Variants in URI1 observed in about 807,000 individuals in gnomAD.
The protein encoded by URI1 is unconventional prefoldin RPB5 interactor 1.
Under a neutral mutation model 60.2 loss-of-function variants are expected in URI1, and 39 were observed. The ratio of observed to expected loss-of-function variants is 0.65; its 90% CI spans 0.50 to 0.85. The LOEUF is 0.85. URI1 is among the 40% of genes least tolerant of loss of function. URI1 has a pLI of 0.00. For synonymous variants in URI1, 251 were observed against 236.8 expected, an observed-to-expected ratio of 1.06 and a Z score of -0.55; for missense variants, 691 against 665.9, an observed-to-expected ratio of 1.04 and a Z score of -0.42.
intron 1 of URI1, among the ~76,000 whole-genome samples, chr19:29,937,206 C>T (rs182444464): frequency 7.2e-5 from 11 of 152,288 alleles, no homozygotes; most frequent in African/African-American, 2.6e-4. Context: ...CTTTTCGGCT[C>T]CAGGATTTCT....
At chr19:29,996,828 A>G (rs555538280) in intron 4 of URI1, among the ~76,000 whole-genome samples, 2 of 150,488 alleles carry the variant, frequency 1.3e-5, no homozygotes, top group East Asian at 2.0e-4. Context: ...AGGTTGTTGG[A>G]TTTTGTCAAA....
Position 30,015,352 on chromosome 19 carries a change from T to C in URI1, c.*283T>C. The C allele has an allele frequency of 2.1e-6, 3 of 1,423,196 alleles. No individual in the cohort carries two copies. In the South Asian group the frequency reaches 4.9e-5, roughly 23 times the overall value. 88.2% of individuals were successfully genotyped at this position (1,423,196 alleles called of 1,614,324 possible). ...GCATTTTGAATTACTTTTCAAAGAATACTGTTCATATGCATTGTTTTTGTG... is the reference window on the plus strand; with the variant it reads ...GCATTTTGAATTACTTTTCAAAGAACACTGTTCATATGCATTGTTTTTGTG... On this transcript the variant is annotated 3_prime_UTR_variant, in exon 11 of 11. Transcript: ENST00000392271.
Position 29,985,177 on chromosome 19 carries a change from A to G in URI1, c.153-46A>G, listed in dbSNP as rs978336230. ...AAAAAAAAAAAAAAAAAAAAAAAAA[A>G]GAAAAATCGTTAATAATGTGTGTAT... On this transcript the variant is annotated intron_variant, in intron 2 of 10. Transcript: ENST00000392271. 1.4e-5 allele frequency: 4 copies of G among 295,042 alleles called. 1 individual carries two copies. Among genetic ancestry groups the G allele is most frequent in the South Asian group, 3.8e-5 (1 of 25,994 alleles). The allele number at this position is 295,042 out of a possible 1,614,324, so 18.3% of individuals were successfully genotyped here.
chr19:29,988,925 C>T (rs936323942), intron 4 of URI1, among the ~76,000 whole-genome samples: 3 of 152,064 alleles, frequency 2.0e-5, no homozygotes, highest in Non-Finnish European at 4.4e-5. Flanking sequence ...GGTATCTTTG[C>T]GTCTCTACCA....
chr19:30,015,224 A>AAATC lies in URI1; in HGVS notation c.*158_*161dup. On this transcript the variant is annotated 3_prime_UTR_variant, in exon 11 of 11. Transcript: ENST00000392271. ...TACCCTTACCCGTGGTATTTGAAAA[A>AAATC]AATCAAGGTAACTGTCTGAATACTT... The AAATC allele has an allele frequency of 3.5e-6, 5 of 1,421,492 alleles. No homozygotes were observed. Among genetic ancestry groups the AAATC allele is most frequent in the Non-Finnish European group, 4.6e-6 (5 of 1,091,436 alleles). The allele number at this position is 1,421,492 out of a possible 1,614,324, so 88.1% of individuals were successfully genotyped here.
Position 30,007,533 on chromosome 19 carries a change from A to ATAT in URI1, c.583_585dup (p.Ile195dup). On this transcript the variant is annotated inframe_insertion, in exon 7 of 11. Coordinates refer to ENST00000392271, the MANE Select transcript of URI1 (RefSeq NM_003796.3). ...AAAACTTCAGATATTTTTGAAGCAG[A>ATAT]TATTGCAAATGATGTGAAATCCAAG... is the stretch of plus-strand genomic sequence containing the variant. 1 of 1,613,538 alleles carries ATAT rather than the reference A, an allele frequency of 6.2e-7. No individual in the cohort carries two copies. The highest frequency in any genetic ancestry group is 1.1e-5 in the South Asian group (1 of 91,062).
rs2055935416 is a variant in URI1 at position 30,005,814 on chromosome 19, A to G, written c.517+106A>G. ...TTTGGGATTTAGAATACACTTTTAA[A>G]TTCATAGGATGCCAACATTTTTCTA... On this transcript the variant is annotated intron_variant, in intron 6 of 10. Coordinates refer to ENST00000392271, the MANE Select transcript of URI1 (RefSeq NM_003796.3). The G allele has an allele frequency of 3.0e-6, 3 of 986,656 alleles. No individual in the cohort carries two copies. The African/African-American group carries it at 5.1e-5, about 17-fold the overall frequency. 61.1% of individuals were successfully genotyped at this position (986,656 alleles called of 1,614,324 possible). A position where few individuals can be genotyped will look rare whatever the true frequency, so the allele number is the denominator to read the frequency against.
At chr19:30,010,975 T>A (rs971611965) in intron 8 of URI1, 119 bp from the exon 9 acceptor site, 29 of 1,084,634 alleles carry the variant, frequency 2.7e-5, no homozygotes, top group Middle Eastern at 3.1e-4. Flanking sequence ...CATTTCAGCA[T>A]CAGAAAATTT....
upstream of URI1, among the ~76,000 whole-genome samples, chr19:29,938,955 C>T (rs1490925730): frequency 6.1e-5 from 9 of 148,368 alleles, no homozygotes; most frequent in Admixed American, 4.1e-4. Context: ...GGATTACAGA[C>T]ATGAGCCACT....
intron 1 of URI1, among the ~76,000 whole-genome samples, chr19:29,970,426 A>G (rs960611894): frequency 6.6e-6 from 1 of 152,092 alleles, no homozygotes; most frequent in African/African-American, 2.4e-5. Flanking sequence ...TTAAATTGTC[A>G]TTCAAAAATA....
At chr19:29,993,597 T>C (rs767414584) in intron 4 of URI1, among the ~76,000 whole-genome samples, 1 of 150,642 alleles carries the variant, frequency 6.6e-6, no homozygotes, top group Non-Finnish European at 1.5e-5. Flanking sequence ...GAATACAGCT[T>C]TTTTTTTTAA....
intron 4 of URI1, among the ~76,000 whole-genome samples, chr19:30,002,556 C>G (rs903362412): frequency 3.9e-5 from 6 of 151,950 alleles, no homozygotes; most frequent in Non-Finnish European, 8.8e-5. Flanking sequence ...TAAATAAAAA[C>G]TATACCTCAT....
Position 30,015,490 on chromosome 19 carries a change from C to A in URI1, c.*421C>A, listed in dbSNP as rs753628236. 1.3e-6 allele frequency: 2 copies of A among 1,524,026 alleles called. No individual in the cohort carries two copies. Among genetic ancestry groups the A allele is most frequent in the South Asian group, 2.5e-5 (2 of 81,052 alleles). The allele number at this position is 1,524,026 out of a possible 1,614,324, so 94.4% of individuals were successfully genotyped here. ...ATAGATTCAACAATTACATTACTTG[C>A]TTTCACATTTTAAAGGCACTTTAAA... On this transcript the variant is annotated 3_prime_UTR_variant, in exon 11 of 11. Coordinates refer to ENST00000392271, the MANE Select transcript of URI1 (RefSeq NM_003796.3).
intron 2 of URI1, 146 bp from the exon 3 acceptor site, chr19:29,985,077 G>A (rs1017951875): frequency 5.5e-5 from 36 of 655,592 alleles, no homozygotes; most frequent in African/African-American, 4.3e-4. Context: ...CCGAGATCAC[G>A]CCACTGCACT....
intron 1 of URI1, among the ~76,000 whole-genome samples, chr19:29,961,407 GTATT>G (rs1235731872): frequency 6.6e-6 from 1 of 152,026 alleles, no homozygotes; most frequent in East Asian, 1.9e-4. Flanking sequence ...GAATCATAGA[GTATT>G]TGTCCTTTTG....
Position 30,015,383 on chromosome 19 carries a change from A to C in URI1, c.*314A>C, listed in dbSNP as rs1217042367. 2.8e-6 allele frequency: 4 copies of C among 1,432,600 alleles called. No individual in the cohort carries two copies. In the African/African-American group the frequency reaches 4.3e-5, roughly 15 times the overall value. 88.7% of individuals were successfully genotyped at this position (1,432,600 alleles called of 1,614,324 possible). ...TCATATGCATTGTTTTTGTGTTTCAAACTAAATACAGGCAGTTTTGTGCCA... is the reference window on the plus strand; with the variant it reads ...TCATATGCATTGTTTTTGTGTTTCACACTAAATACAGGCAGTTTTGTGCCA... On this transcript the variant is annotated 3_prime_UTR_variant, in exon 11 of 11. Transcript: ENST00000392271.
chr19:30,004,733 CTTGTTG>C (rs2055918680), intron 4 of URI1, among the ~76,000 whole-genome samples: 2 of 152,018 alleles, frequency 1.3e-5, no homozygotes, highest in South Asian at 4.1e-4. Flanking sequence ...ACATGAATTA[CTTGTTG>C]CATTTGTCCA....
chr19:30,009,785 A>G (rs1568447337), intron 8 of URI1, among the ~76,000 whole-genome samples: 2 of 152,220 alleles, frequency 1.3e-5, no homozygotes, highest in Non-Finnish European at 2.9e-5. Context: ...CACAAAGGGA[A>G]AATGTAGGAG....
At chr19:29,928,924 A>G (rs2054893071) in intron 1 of URI1, among the ~76,000 whole-genome samples, 1 of 152,210 alleles carries the variant, frequency 6.6e-6, no homozygotes, top group Non-Finnish European at 1.5e-5. Flanking sequence ...CCAGCAAAGT[A>G]GGAAACCTCT....
Sources: gnomAD v4.1 joint callset for allele counts (sites outside exome capture counted in the v4.1 genomes callset) on GRCh38, gnomAD v4.1.1 for gene constraint, MANE v1.5 for transcripts, NCBI Gene and HGNC (gene_info 2026-07-23, HGNC 2026-07-21) for gene names.